Variants in VSNL1 observed in about 807,000 individuals in gnomAD.
The protein encoded by VSNL1 is visinin-like protein 1.
A neutral mutation model predicts 20.4 loss-of-function variants in VSNL1; 6 were observed. That is an observed-to-expected ratio of 0.29 (90% CI 0.16 to 0.58). The LOEUF is 0.58. Ranked by LOEUF, VSNL1 falls within the 20% of genes least tolerant of loss-of-function variation. VSNL1 has a pLI of 0.90. For synonymous variants in VSNL1, 93 were observed against 86.4 expected (o/e 1.08, Z -0.42); for missense variants, 100 against 234.5 (o/e 0.43, Z 3.75).
At chr2:17,636,156 GT>G (rs1665743582) in intron 2 of VSNL1, among the ~76,000 whole-genome samples, 1 of 152,018 alleles carries the variant, frequency 6.6e-6, no homozygotes, top group Non-Finnish European at 1.5e-5. Flanking sequence ...TGGGGAAATA[GT>G]AAGCCAGGGT....
intron 1 of VSNL1, among the ~76,000 whole-genome samples, chr2:17,572,040 T>G (rs910448215): frequency 6.6e-6 from 1 of 152,188 alleles, no homozygotes; most frequent in Non-Finnish European, 1.5e-5. Flanking sequence ...TAATAAGAGA[T>G]AAAGCTGGAG....
At chr2:17,595,547 C>T (rs1664693082) in intron 2 of VSNL1, among the ~76,000 whole-genome samples, 1 of 152,220 alleles carries the variant, frequency 6.6e-6, no homozygotes, top group Non-Finnish European at 1.5e-5. Flanking sequence ...GCAGATAGCT[C>T]TTTCCCTTTT....
At chr2:17,591,382 A>G (rs1664590578) in intron 1 of VSNL1, among the ~76,000 whole-genome samples, 1 of 152,214 alleles carries the variant, frequency 6.6e-6, no homozygotes, top group Non-Finnish European at 1.5e-5. Context: ...CAAAATCAGA[A>G]ATAATAGCAG....
chr2:17,577,131 G>C (rs901310112), intron 1 of VSNL1, among the ~76,000 whole-genome samples: 1 of 152,096 alleles, frequency 6.6e-6, no homozygotes, highest in Non-Finnish European at 1.5e-5. Flanking sequence ...ATCTAAACAT[G>C]GAAAATGTAC....
At chr2:17,556,673 T>C (rs1663685715) in intron 1 of VSNL1, among the ~76,000 whole-genome samples, 1 of 152,220 alleles carries the variant, frequency 6.6e-6, no homozygotes, top group South Asian at 2.1e-4. Context: ...CACAGTTCTT[T>C]CCAGGACTTA....
intron 1 of VSNL1, among the ~76,000 whole-genome samples, chr2:17,556,494 C>T (rs1663681274): frequency 6.6e-6 from 1 of 152,152 alleles, no homozygotes; most frequent in Admixed American, 6.5e-5. Flanking sequence ...TGCATGGCTT[C>T]TGATTCCTTG....
At chr2:17,568,794 A>G (rs1664015177) in intron 1 of VSNL1, among the ~76,000 whole-genome samples, 1 of 152,146 alleles carries the variant, frequency 6.6e-6, no homozygotes, top group South Asian at 2.1e-4. Flanking sequence ...TCCAGTTGAA[A>G]ATGTCTTTAT....
chr2:17,544,075 A>C (rs1370980739), intron 1 of VSNL1, among the ~76,000 whole-genome samples: 3 of 152,302 alleles, frequency 2.0e-5, no homozygotes, highest in East Asian at 3.9e-4. Context: ...GGAAAGGAGG[A>C]GCTTGATGAT....
chr2:17,566,263 G>A (rs1490700245), intron 1 of VSNL1, among the ~76,000 whole-genome samples: 1 of 152,054 alleles, frequency 6.6e-6, no homozygotes, highest in African/African-American at 2.4e-5. Flanking sequence ...GAGATATATA[G>A]TGAAATGGAA....
intron 2 of VSNL1, among the ~76,000 whole-genome samples, chr2:17,646,091 T>C (rs367745248): frequency 1.5e-4 from 23 of 152,220 alleles, no homozygotes; most frequent in Non-Finnish European, 2.9e-4. Flanking sequence ...ATGCCTATTT[T>C]CCCCCACTCC....
chr2:17,649,343 G>C lies in VSNL1; in HGVS notation c.163-67G>C, dbSNP rs186974798. On this transcript the variant is annotated intron_variant, in intron 2 of 3. Transcript: ENST00000295156. The surrounding 1 kb of genome is among the most constrained non-coding windows in gnomAD (Gnocchi z 6.4). ...AGGAGCACCTGTGATGCCGTCATTA[G>C]GAACCTACCTCGTCGCCCCGATTCC... is the stretch of plus-strand genomic sequence containing the variant. 8,474 of 1,509,842 alleles carry C rather than the reference G, an allele frequency of 5.6e-3. 35 individuals are homozygous for C. Among genetic ancestry groups the C allele is most frequent in the Non-Finnish European group, 6.5e-3 (7,049 of 1,087,762 alleles). 93.5% of individuals were successfully genotyped at this position (1,509,842 alleles called of 1,614,324 possible).
chr2:17,587,348 AACACAC>A (rs67537461), intron 1 of VSNL1, among the ~76,000 whole-genome samples: 4,417 of 134,604 alleles, frequency 0.033, 76 homozygotes, highest in Admixed American at 0.043. Context: ...GGCTGAGGGC[AACACAC>A]ACACACACAC....
In VSNL1 at chr2:17,656,173, A is replaced by G. The variant is rs1265171426; in HGVS notation, c.*779A>G. 1 of 152,326 alleles carries G rather than the reference A, an allele frequency of 6.6e-6. No individual in the cohort carries two copies. The highest frequency in any genetic ancestry group is 2.4e-5 in the African/African-American group (1 of 41,454). 9.4% of individuals were successfully genotyped at this position (152,326 alleles called of 1,614,324 possible). ...GGCAATAAATGTCCCAAATAAATTTATAACAATTGATTTTCCCCCTAATTC... is the reference window on the plus strand; with the variant it reads ...GGCAATAAATGTCCCAAATAAATTTGTAACAATTGATTTTCCCCCTAATTC... On this transcript the variant is annotated 3_prime_UTR_variant, in exon 4 of 4. Coordinates refer to ENST00000295156, the MANE Select transcript of VSNL1 (RefSeq NM_003385.5).
intron 1 of VSNL1, among the ~76,000 whole-genome samples, chr2:17,559,595 A>T (rs1484673237): frequency 6.6e-6 from 1 of 152,132 alleles, no homozygotes; most frequent in African/African-American, 2.4e-5. Flanking sequence ...ATGTAAAATG[A>T]GTAGGGGTAA....
chr2:17,621,978 T>C (rs533178515), intron 2 of VSNL1, among the ~76,000 whole-genome samples: 1 of 152,108 alleles, frequency 6.6e-6, no homozygotes, highest in Non-Finnish European at 1.5e-5. Context: ...TGGATTCTTC[T>C]GGGCTGCTGG....
At chr2:17,588,717 A>T (rs1519472) in intron 1 of VSNL1, among the ~76,000 whole-genome samples, 16,117 of 152,252 alleles carry the variant, frequency 0.11, 1,287 homozygotes, top group African/African-American at 0.22. Context: ...AATTTTAATG[A>T]TGAAGACAAT....
rs116103496 is a variant in VSNL1 at position 17,636,045 on chromosome 2, A to G, written c.163-13365A>G. Among the ~76,000 whole-genome samples the G allele has an allele frequency of 1.8e-3, 280 of 152,060 alleles. 2 individuals carry two copies. Among genetic ancestry groups the G allele is most frequent in the Admixed American group, 2.4e-3 (37 of 15,258 alleles). ...CTGGCATGGGGTGGGGGCGGGTGTC[A>G]GGATTTGGTGGAAAGAGCTCTTCCC... On this transcript the variant is annotated intron_variant, in intron 2 of 3. Transcript: ENST00000295156.
intron 1 of VSNL1, among the ~76,000 whole-genome samples, chr2:17,566,301 T>A (rs62131526): frequency 0.033 from 5,030 of 152,292 alleles, 89 homozygotes; most frequent in East Asian, 0.098. Context: ...ATATGCATCT[T>A]CTGCTGTATT....
chr2:17,639,988 C>T (rs1226305434), intron 2 of VSNL1, among the ~76,000 whole-genome samples: 2 of 152,188 alleles, frequency 1.3e-5, no homozygotes, highest in African/African-American at 4.8e-5. Context: ...TTGGCTTGCA[C>T]CTGTAATCCC....
Sources: allele counts gnomAD v4.1 joint callset (sites outside exome capture counted in the v4.1 genomes callset), GRCh38; gene constraint gnomAD v4.1.1; non-coding constraint Gnocchi (gnomAD v3.1); transcripts MANE v1.5; gene names NCBI Gene and HGNC (gene_info 2026-07-23, HGNC 2026-07-21).